The following PALM2AKAP2 variants were observed in gnomAD, a reference collection of about 807,000 sequenced individuals.
PALM2AKAP2 encodes the protein PALM2-AKAP2 fusion protein.
A neutral mutation model predicts 71.5 loss-of-function variants in PALM2AKAP2; 37 were observed. The observed-to-expected ratio is 0.52, with a 90% CI of 0.40 to 0.68. PALM2AKAP2 has a LOEUF of 0.68. PALM2AKAP2 is among the 30% of genes least tolerant of loss of function. The probability of loss-of-function intolerance (pLI) is 0.00; values close to 1 mark genes in which losing one functional copy is unlikely to be tolerated. For missense variants in PALM2AKAP2, 1,224 were observed against 1,191.8 expected, an observed-to-expected ratio of 1.03 and a Z score of -0.40; for synonymous variants, 468 against 478.8, an observed-to-expected ratio of 0.98 and a Z score of 0.29.
intron 6 of PALM2AKAP2, among the ~76,000 whole-genome samples, chr9:110,007,760 G>A (rs772085159): frequency 1.3e-5 from 2 of 152,272 alleles, no homozygotes; most frequent in African/African-American, 4.8e-5. Flanking sequence ...GTGGAAAGAC[G>A]TATAAATTTA....
intron 1 of PALM2AKAP2, among the ~76,000 whole-genome samples, chr9:109,820,213 T>C (rs538910743): frequency 1.1e-4 from 16 of 152,304 alleles, no homozygotes; most frequent in East Asian, 3.9e-4. Flanking sequence ...GAAATCTAAT[T>C]TTTGAAAGTT....
At chr9:110,090,564 GA>G (rs1346302714) in intron 1 of PALM2AKAP2, 2 of 377,488 alleles carry the variant, frequency 5.3e-6, no homozygotes, top group Admixed American at 6.3e-5. Context: ...CACCCAGAGA[GA>G]AAAAGCATAT....
In PALM2AKAP2 at chr9:110,159,339, G is replaced by A. The variant is rs528007738; in HGVS notation, c.2748+2842G>A. On this transcript the variant is annotated intron_variant, in intron 3 of 3. Transcript: ENST00000374525. Reference sequence around the variant, plus strand: ...CACACCCAGCATCTCCCCATGTTATGCAGCATCACCCCTGGCACCTCCATT... The same window carrying A: ...CACACCCAGCATCTCCCCATGTTATACAGCATCACCCCTGGCACCTCCATT... Among the ~76,000 whole-genome samples, 3 of 152,204 alleles carry A rather than the reference G, an allele frequency of 2.0e-5. No individual in the cohort carries two copies. In the South Asian group the frequency reaches 6.2e-4, roughly 32 times the overall value.
At chr9:109,937,904 C>A (rs1173187570) in intron 6 of PALM2AKAP2, among the ~76,000 whole-genome samples, 2 of 152,178 alleles carry the variant, frequency 1.3e-5, no homozygotes, top group Non-Finnish European at 2.9e-5. Flanking sequence ...TGAACAAAGG[C>A]AGCAAGCCCT....
At position 109,883,271 on chromosome 9, in the gene PALM2AKAP2, A is replaced by G. The variant is rs980322068; in HGVS notation, c.257+2590A>G. ...ATGGAATAAAGAGCACACTCAATGTATGCAGGCAGTCTCACCCATTTAGAG... is the reference window on the plus strand; with the variant it reads ...ATGGAATAAAGAGCACACTCAATGTGTGCAGGCAGTCTCACCCATTTAGAG... On this transcript the variant is annotated intron_variant, in intron 3 of 9. Coordinates refer to the PALM2AKAP2 transcript ENST00000302798. Among the ~76,000 whole-genome samples, 5 of 152,334 alleles carry G rather than the reference A, an allele frequency of 3.3e-5. No individual in the cohort carries two copies. The East Asian group carries it at 9.6e-4, about 29-fold the overall frequency.
chr9:109,757,190 C>T (rs910062841), intron 1 of PALM2AKAP2, among the ~76,000 whole-genome samples: 3 of 152,180 alleles, frequency 2.0e-5, no homozygotes, highest in East Asian at 1.9e-4. Flanking sequence ...ACTTTTTTAG[C>T]TCCCACGTAT....
chr9:109,988,124 G>A (rs1832413284), intron 6 of PALM2AKAP2, among the ~76,000 whole-genome samples: 1 of 152,322 alleles, frequency 6.6e-6, no homozygotes, highest in South Asian at 2.1e-4. Flanking sequence ...CTGCTTTATA[G>A]TACCAATCTG....
chr9:109,759,092 A>G (rs2118730012), intron 1 of PALM2AKAP2, among the ~76,000 whole-genome samples: 1 of 152,266 alleles, frequency 6.6e-6, no homozygotes, highest in Non-Finnish European at 1.5e-5. Context: ...TTCACTAGTT[A>G]TATTGAAATA....
intron 1 of PALM2AKAP2, among the ~76,000 whole-genome samples, chr9:109,683,030 G>A (rs1188370840): frequency 6.6e-6 from 1 of 152,132 alleles, no homozygotes; most frequent in East Asian, 1.9e-4. Context: ...CTGTTCTTAT[G>A]TTAGTGAGTG....
intron 1 of PALM2AKAP2, among the ~76,000 whole-genome samples, chr9:109,786,254 G>T (rs1189586316): frequency 6.6e-6 from 1 of 151,992 alleles, no homozygotes; most frequent in Non-Finnish European, 1.5e-5. Flanking sequence ...TGCACAGCAT[G>T]GGCAAAAAGT....
At chr9:109,716,849 T>G (rs948617570) in intron 1 of PALM2AKAP2, among the ~76,000 whole-genome samples, 3 of 152,126 alleles carry the variant, frequency 2.0e-5, no homozygotes, top group African/African-American at 7.2e-5. Flanking sequence ...AGGTTTGGCT[T>G]TTGGTTATGT....
At chr9:109,652,982 A>G (rs1827246504) in intron 1 of PALM2AKAP2, among the ~76,000 whole-genome samples, 1 of 152,364 alleles carries the variant, frequency 6.6e-6, no homozygotes, top group South Asian at 2.1e-4. Context: ...TTAATTTAGC[A>G]TAAAAAAATC....
At chr9:109,826,284 C>T (rs1828148201) in intron 1 of PALM2AKAP2, among the ~76,000 whole-genome samples, 2 of 152,038 alleles carry the variant, frequency 1.3e-5, no homozygotes, top group Non-Finnish European at 2.9e-5. Context: ...TTACTGGGTG[C>T]AGCACACCAA....
chr9:110,139,015 T>TCATGG (rs915156583), intron 2 of PALM2AKAP2, among the ~76,000 whole-genome samples: 1 of 152,200 alleles, frequency 6.6e-6, no homozygotes, highest in Non-Finnish European at 1.5e-5. Flanking sequence ...GCAATGATAG[T>TCATGG]CATGGCATGG....
intron 3 of PALM2AKAP2, among the ~76,000 whole-genome samples, chr9:109,912,698 G>A (rs1335387582): frequency 1.3e-5 from 2 of 150,502 alleles, no homozygotes; most frequent in Non-Finnish European, 3.0e-5. Context: ...TTGCTAGAGA[G>A]CTAGATTAGA....
chr9:110,120,772 C>T (rs961693550), intron 1 of PALM2AKAP2, among the ~76,000 whole-genome samples: 4 of 152,258 alleles, frequency 2.6e-5, no homozygotes, highest in African/African-American at 9.6e-5. Flanking sequence ...CCCAAAGTGC[C>T]GGGATTACAG....
chr9:109,756,839 A>AT (rs968632176), intron 1 of PALM2AKAP2, among the ~76,000 whole-genome samples: 6 of 151,898 alleles, frequency 4.0e-5, no homozygotes, highest in Middle Eastern at 3.2e-3. Flanking sequence ...ACCATCTTTA[A>AT]TTTTTTTTGA....
intron 1 of PALM2AKAP2, among the ~76,000 whole-genome samples, chr9:109,851,692 A>G (rs573697140): frequency 6.6e-6 from 1 of 152,316 alleles, no homozygotes; most frequent in South Asian, 2.1e-4. Context: ...TCACAGTCAA[A>G]GCCAGTGATG....
In PALM2AKAP2 at chr9:109,942,803, A is replaced by T. The variant is rs776640265; in HGVS notation, c.496+10775A>T. The T allele has an allele frequency of 1.7e-5, 27 of 1,614,104 alleles. No individual in the cohort carries two copies. In the South Asian group the frequency reaches 2.7e-4, roughly 16 times the overall value. ...CATCAGAAAGGAGTCAAAGTCTATG[A>T]TGATGGTACCAAAGTAGTGTATGAG... is the stretch of plus-strand genomic sequence containing the variant. On this transcript the variant is annotated intron_variant, in intron 6 of 9. Coordinates refer to the PALM2AKAP2 transcript ENST00000302798.
Sources: gnomAD v4.1 joint callset for allele counts (sites outside exome capture counted in the v4.1 genomes callset) on GRCh38, gnomAD v4.1.1 for gene constraint, MANE v1.5 for transcripts, NCBI Gene and HGNC (gene_info 2026-07-23, HGNC 2026-07-21) for gene names.